Variants in ACACA observed in about 807,000 individuals in gnomAD.
ACACA encodes the protein acetyl-CoA carboxylase alpha.
In ACACA, 103 loss-of-function variants were observed where a neutral mutation model predicts 296.1. That is an observed-to-expected ratio of 0.35 (90% CI 0.30 to 0.41). The LOEUF is 0.41. Ranked by LOEUF, ACACA falls within the 10% of genes least tolerant of loss-of-function variation. The pLI, the probability that ACACA is intolerant of heterozygous loss-of-function variation, is 1.00. For synonymous variants in ACACA, 953 were observed against 1,038.6 expected (o/e 0.92, Z 1.58); for missense variants, 1,554 against 2,989.7 (o/e 0.52, Z 11.20).
intron 1 of ACACA, among the ~76,000 whole-genome samples, chr17:37,342,544 T>C (rs1386059034): frequency 6.7e-6 from 1 of 148,968 alleles, no homozygotes; most frequent in Non-Finnish European, 1.5e-5. Flanking sequence ...ATATAATGTA[T>C]TATTCAGCTT....
intron 50 of ACACA, among the ~76,000 whole-genome samples, chr17:37,116,335 T>C (rs1274920585): frequency 3.9e-5 from 6 of 152,164 alleles, no homozygotes. Flanking sequence ...GAGACTGGGG[T>C]ACTCTGCTTT....
intron 29 of ACACA, among the ~76,000 whole-genome samples, chr17:37,211,754 ACTGTATACC>A (rs1327538321): frequency 1.3e-5 from 2 of 152,146 alleles, no homozygotes; most frequent in African/African-American, 4.8e-5. Context: ...CTGCACACAA[ACTGTATACC>A]TCATGTGATT....
intron 10 of ACACA, among the ~76,000 whole-genome samples, chr17:37,269,332 G>C (rs2081965190): frequency 1.3e-5 from 2 of 151,982 alleles, no homozygotes; most frequent in Non-Finnish European, 2.9e-5. Flanking sequence ...CTTACAATAA[G>C]GTTATGTCCC....
intron 52 of ACACA, among the ~76,000 whole-genome samples, chr17:37,106,977 C>T (rs906001975): frequency 6.6e-6 from 1 of 152,196 alleles, no homozygotes; most frequent in Non-Finnish European, 1.5e-5. Context: ...CTAAACTTCA[C>T]CGAGCCAAAT....
chr17:37,228,916 G>C (rs1207341311), intron 25 of ACACA, among the ~76,000 whole-genome samples: 1 of 152,112 alleles, frequency 6.6e-6, no homozygotes, highest in Non-Finnish European at 1.5e-5. Flanking sequence ...GGCCGAGGAG[G>C]GCGGATCACG....
intron 30 of ACACA, among the ~76,000 whole-genome samples, chr17:37,209,865 T>A (rs866082721): frequency 5.9e-4 from 90 of 152,314 alleles, no homozygotes; most frequent in African/African-American, 2.1e-3. Context: ...TCACTTATGT[T>A]ATATTAGCCT....
rs1351950902 is a variant in ACACA, at chr17:37,259,623, A to AT, written c.1330-94dup. The stretch of plus-strand genomic sequence containing the variant: ...TCACTGACTCAACTGTTCAGTGTGT[A>AT]TAAGAGCCATCAAAAGCTTTTAGCC... On this transcript the variant is annotated intron_variant, in intron 11 of 55. Coordinates refer to ENST00000616317, the MANE Select transcript of ACACA (RefSeq NM_198834.3). 3 of 1,368,252 alleles carry AT rather than the reference A, an allele frequency of 2.2e-6. No homozygotes were observed. The African/African-American group carries it at 4.3e-5, about 20-fold the overall frequency. The allele number at this position is 1,368,252 out of a possible 1,614,324, so 84.8% of individuals were successfully genotyped here. A position where few individuals can be genotyped will look rare whatever the true frequency, so the allele number is the denominator to read the frequency against.
chr17:37,203,011 G>A (rs1366838666), intron 33 of ACACA, among the ~76,000 whole-genome samples: 1 of 149,738 alleles, frequency 6.7e-6, no homozygotes, highest in Non-Finnish European at 1.5e-5. Context: ...TCGCCAGGCT[G>A]GAGTGCAGTG....
chr17:37,403,339 T>C (rs2051353943), intron 1 of ACACA, among the ~76,000 whole-genome samples: 1 of 151,756 alleles, frequency 6.6e-6, no homozygotes, highest in South Asian at 2.1e-4. Context: ...TTACCCTTCT[T>C]CTCACTGTGC....
chr17:37,342,444 T>TATATAC (rs1555652557), intron 1 of ACACA, among the ~76,000 whole-genome samples: 2 of 113,438 alleles, frequency 1.8e-5, no homozygotes, highest in Non-Finnish European at 3.5e-5. Context: ...AAAATATATA[T>TATATAC]ATATATATAT....
At chr17:37,243,902 T>C (rs1180920449) in intron 21 of ACACA, among the ~76,000 whole-genome samples, 14 of 152,174 alleles carry the variant, frequency 9.2e-5, no homozygotes, top group Admixed American at 8.5e-4. Context: ...TCAATAGATA[T>C]GGGGTCTTGC....
At chr17:37,183,848 C>CTTTTTTTT (rs775286104) in intron 39 of ACACA, among the ~76,000 whole-genome samples, 1 of 120,068 alleles carries the variant, frequency 8.3e-6, no homozygotes, top group Non-Finnish European at 1.7e-5. Flanking sequence ...AGTTTCAGTC[C>CTTTTTTTT]TTTTTTTTTT....
chr17:37,143,769 G>C (rs551361806), intron 45 of ACACA: 1 of 982,688 alleles, frequency 1.0e-6, no homozygotes, highest in Non-Finnish European at 1.6e-6. Flanking sequence ...TTTCGGCCTT[G>C]GCAACTCCCT....
intron 21 of ACACA, 133 bp downstream of exon 21, chr17:37,244,455 C>T (rs1567872790): frequency 3.8e-6 from 4 of 1,045,844 alleles, no homozygotes; most frequent in African/African-American, 3.2e-5. Context: ...AGTCCCACAA[C>T]TGAAGGTGAA....
intron 3 of ACACA, among the ~76,000 whole-genome samples, chr17:37,309,480 A>T (rs1415928392): frequency 1.3e-5 from 2 of 152,322 alleles, no homozygotes; most frequent in Admixed American, 6.5e-5. Flanking sequence ...ATTGTGATAA[A>T]TGCTATTGCA....
chr17:37,137,085 G>A (rs1050578991), intron 45 of ACACA, among the ~76,000 whole-genome samples: 1 of 152,102 alleles, frequency 6.6e-6, no homozygotes, highest in Non-Finnish European at 1.5e-5. Context: ...ATTTTCTTTG[G>A]TGTAATGTCT....
chr17:37,404,093 C>T (rs879887187), intron 1 of ACACA, among the ~76,000 whole-genome samples: 4 of 152,142 alleles, frequency 2.6e-5, no homozygotes, highest in Admixed American at 6.6e-5. Flanking sequence ...ATGTTTTTAA[C>T]GACTAGATCT....
chr17:37,379,618 A>G (rs1046737542), intron 1 of ACACA, among the ~76,000 whole-genome samples: 3 of 152,134 alleles, frequency 2.0e-5, no homozygotes, highest in Non-Finnish European at 4.4e-5. Flanking sequence ...GGCAAAGGAC[A>G]TGAACAGACA....
At chr17:37,291,646 G>A (rs943950276) in intron 3 of ACACA, among the ~76,000 whole-genome samples, 1 of 152,028 alleles carries the variant, frequency 6.6e-6, no homozygotes, top group Non-Finnish European at 1.5e-5. Flanking sequence ...AACAGTTTTT[G>A]GAGAACAAAT....
Sources: gnomAD v4.1 joint callset for allele counts (sites outside exome capture counted in the v4.1 genomes callset) on GRCh38, gnomAD v4.1.1 for gene constraint, MANE v1.5 for transcripts, NCBI Gene and HGNC (gene_info 2026-07-23, HGNC 2026-07-21) for gene names.